Variants in TMPRSS11D observed in about 807,000 individuals in gnomAD.
TMPRSS11D encodes the protein transmembrane protease serine 11D.
TMPRSS11D carries 32 observed loss-of-function variants against 44.4 expected under a neutral mutation model. The ratio of observed to expected loss-of-function variants is 0.72; its 90% confidence interval spans 0.54 to 0.97. The LOEUF is 0.97. Ranked by LOEUF, TMPRSS11D falls within the 50% of genes least tolerant of loss-of-function variation. The pLI, the probability that TMPRSS11D is intolerant of heterozygous loss-of-function variation, is 0.00. For synonymous variants in TMPRSS11D, 179 were observed against 177.9 expected, an observed-to-expected ratio of 1.01 and a Z score of -0.05; for missense variants, 446 against 502.6, an observed-to-expected ratio of 0.89 and a Z score of 1.08.
intron 1 of TMPRSS11D, among the ~76,000 whole-genome samples, chr4:67,870,103 G>A (rs1719021619): frequency 6.6e-6 from 1 of 152,102 alleles, no homozygotes; most frequent in South Asian, 2.1e-4. Context: ...TGGCAATATC[G>A]TTTTTGCATA....
At chr4:67,860,189 A>T (rs73829934) in intron 1 of TMPRSS11D, among the ~76,000 whole-genome samples, 187 of 152,196 alleles carry the variant, frequency 1.2e-3, no homozygotes, top group African/African-American at 4.3e-3. Context: ...AAGATTCCCC[A>T]TATTATTAAA....
intron 9 of TMPRSS11D, 38 bp downstream of exon 9, chr4:67,825,694 C>T: frequency 6.2e-7 from 1 of 1,607,360 alleles, no homozygotes; most frequent in African/African-American, 1.3e-5. Flanking sequence ...TTATACACTT[C>T]TTGGATGATG....
chr4:67,830,656 T>C lies in TMPRSS11D; in HGVS notation c.692+2548A>G, dbSNP rs564873617. 4.6e-5 allele frequency among the ~76,000 whole-genome samples: 7 copies of C among 152,220 alleles called. No homozygotes were observed. In the East Asian group the frequency reaches 1.4e-3, roughly 29 times the overall value. ...CTTCTTTTGCTCGGAGTCTTTACAGTGAAGGTTCTGAAGAGACTCTTTTTT... is the reference window on the plus strand; with the variant it reads ...CTTCTTTTGCTCGGAGTCTTTACAGCGAAGGTTCTGAAGAGACTCTTTTTT... On this transcript the variant is annotated intron_variant, in intron 7 of 9. Coordinates refer to ENST00000283916, the MANE Select transcript of TMPRSS11D (RefSeq NM_004262.3).
At chr4:67,851,642 T>C (rs576381437) in intron 3 of TMPRSS11D, among the ~76,000 whole-genome samples, 1 of 152,304 alleles carries the variant, frequency 6.6e-6, no homozygotes, top group South Asian at 2.1e-4. Context: ...TGAGGTGGTC[T>C]GGGCATCCAT....
chr4:67,822,621 T>G, intron 9 of TMPRSS11D, 123 bp from the exon 10 acceptor site: 3 of 1,094,690 alleles, frequency 2.7e-6, no homozygotes, highest in Non-Finnish European at 2.6e-6. Flanking sequence ...TCAGCCTATT[T>G]CCTTTTGAAA....
chr4:67,838,395 ATTC>A, intron 4 of TMPRSS11D, 66 bp from the exon 5 acceptor site: 2 of 1,368,800 alleles, frequency 1.5e-6, no homozygotes, highest in Non-Finnish European at 1.9e-6. Flanking sequence ...CTGTTTATAT[ATTC>A]TTCTTGATTA....
chr4:67,879,155 G>A (rs1237316038), intron 1 of TMPRSS11D, among the ~76,000 whole-genome samples: 1 of 151,824 alleles, frequency 6.6e-6, no homozygotes, highest in East Asian at 2.0e-4. Flanking sequence ...CAAACCATGA[G>A]ACTGGTGGAA....
chr4:67,852,972 G>A (rs983228262), intron 3 of TMPRSS11D, among the ~76,000 whole-genome samples: 3 of 152,200 alleles, frequency 2.0e-5, no homozygotes, highest in African/African-American at 7.2e-5. Context: ...TTTGTGGCGA[G>A]GTGATGTGGA....
intron 1 of TMPRSS11D, among the ~76,000 whole-genome samples, chr4:67,868,087 G>A (rs1718968070): frequency 7.0e-6 from 1 of 143,582 alleles, no homozygotes; most frequent in South Asian, 2.1e-4. Flanking sequence ...CAGATCACTA[G>A]ATAGAGAAAT....
chr4:67,843,148 G>A (rs1718273661), intron 3 of TMPRSS11D, among the ~76,000 whole-genome samples: 2 of 132,512 alleles, frequency 1.5e-5, no homozygotes, highest in African/African-American at 5.8e-5. Context: ...TCATACCTAA[G>A]CATCAGAGAC....
At chr4:67,830,251 A>G (rs1189982182) in intron 7 of TMPRSS11D, among the ~76,000 whole-genome samples, 1 of 152,116 alleles carries the variant, frequency 6.6e-6, no homozygotes. Flanking sequence ...CCTTTAAGAC[A>G]TGTATATTTC....
chr4:67,867,859 A>G (rs1718963839), intron 1 of TMPRSS11D, among the ~76,000 whole-genome samples: 1 of 152,304 alleles, frequency 6.6e-6, no homozygotes, highest in East Asian at 1.9e-4. Flanking sequence ...ACACTTACAC[A>G]CTTTTGGTGG....
intron 4 of TMPRSS11D, among the ~76,000 whole-genome samples, chr4:67,841,260 A>G (rs1718222200): frequency 6.6e-6 from 1 of 152,134 alleles, no homozygotes; most frequent in Non-Finnish European, 1.5e-5. Context: ...GTGACCTGAG[A>G]AGATGAGAGG....
chr4:67,835,233 T>C (rs1718047996), intron 5 of TMPRSS11D, 112 bp from the exon 6 acceptor site: 1 of 1,012,964 alleles, frequency 9.9e-7, no homozygotes, highest in East Asian at 2.6e-5. Context: ...CTTGTTGGGG[T>C]TGGGAGGTGG....
rs751192008 is a variant in TMPRSS11D, at chr4:67,859,575, C to G, written c.112G>C (p.Val38Leu). Residue 38 changes from valine to leucine, a missense_variant, in exon 2 of 10, where the codon GTT (valine) becomes CTT (leucine). Physicochemically the swap from Val to Leu is conservative, Grantham distance 32. Coordinates refer to ENST00000283916, the MANE Select transcript of TMPRSS11D (RefSeq NM_004262.3). ...TACTTACCAAAAGCTAAAAAGTAAA[C>G]AAGTAGAGCTATGGTGACTGCCAGG... ...VILAVTIALLVYFLAFDQKSY... is the reference protein window; with the variant it reads ...VILAVTIALLLYFLAFDQKSY... 1.9e-6 allele frequency: 3 copies of G among 1,612,630 alleles called. No individual in the cohort carries two copies. The Admixed American group carries it at 5.0e-5, about 27-fold the overall frequency.
intron 4 of TMPRSS11D, among the ~76,000 whole-genome samples, chr4:67,838,581 TG>T (rs1718159390): frequency 1.3e-5 from 2 of 152,098 alleles, no homozygotes; most frequent in African/African-American, 4.8e-5. Flanking sequence ...AGAGTTTTAC[TG>T]TGTAACTTTG....
intron 1 of TMPRSS11D, chr4:67,860,324 A>G (rs1718766610): frequency 6.6e-6 from 1 of 152,168 alleles, no homozygotes; most frequent in Non-Finnish European, 1.5e-5. Flanking sequence ...GTACTAATAC[A>G]TAGTCACACA....
chr4:67,825,638 A>G, intron 9 of TMPRSS11D, 94 bp downstream of exon 9: 1 of 1,359,652 alleles, frequency 7.4e-7, no homozygotes, highest in African/African-American at 1.4e-5. Flanking sequence ...TGTGTATTGT[A>G]ACTGTTACAC....
At chr4:67,851,611 G>A (rs1350823720) in intron 3 of TMPRSS11D, among the ~76,000 whole-genome samples, 1 of 152,104 alleles carries the variant, frequency 6.6e-6, no homozygotes, top group Non-Finnish European at 1.5e-5. Context: ...TTTATTGCTG[G>A]CTCCAGCTTA....
Sources: allele counts gnomAD v4.1 joint callset (sites outside exome capture counted in the v4.1 genomes callset), GRCh38; gene constraint gnomAD v4.1.1; transcripts MANE v1.5; gene names NCBI Gene and HGNC (gene_info 2026-07-23, HGNC 2026-07-21).